FAM149A: variants seen among roughly 807,000 people sequenced by gnomAD.
The protein encoded by FAM149A is protein FAM149A.
Under a neutral mutation model 78.2 loss-of-function variants are expected in FAM149A, and 71 were observed. The observed-to-expected ratio is 0.91, with a 90% CI of 0.75 to 1.11. The LOEUF is 1.11. Among genes scored for constraint, FAM149A ranks in the 50% least tolerant of loss-of-function variants. The pLI, the probability that FAM149A is intolerant of heterozygous loss-of-function variation, is 0.00. For missense variants in FAM149A, 1,036 were observed against 971.0 expected, an observed-to-expected ratio of 1.07 and a Z score of -0.89; for synonymous variants, 446 against 410.5, an observed-to-expected ratio of 1.09 and a Z score of -1.04.
At chr4:186,142,734 G>A (rs991076161) in intron 1 of FAM149A, among the ~76,000 whole-genome samples, 1 of 152,152 alleles carries the variant, frequency 6.6e-6, no homozygotes, top group African/African-American at 2.4e-5. Flanking sequence ...CCGACTGCAT[G>A]GTGTAGACAC....
At chr4:186,160,764 ACCACAT>A (rs1734538935) in intron 8 of FAM149A, 1 of 953,760 alleles carries the variant, frequency 1.0e-6, no homozygotes, top group African/African-American at 2.1e-5. Context: ...CCACACACAC[ACCACAT>A]CACACCACAC....
At chr4:186,152,110 C>G (rs917855532) in intron 4 of FAM149A, 65 bp downstream of exon 4, 4 of 1,503,150 alleles carry the variant, frequency 2.7e-6, no homozygotes, top group Non-Finnish European at 3.7e-6. Context: ...TGACCTGCCT[C>G]GATACATTCA....
At position 186,118,161 on chromosome 4, in the gene FAM149A, CACAGTGATCACAA is replaced by C. The variant is rs1391316038; in HGVS notation, c.566+12522_566+12534del. On this transcript the variant is annotated intron_variant, in intron 1 of 13. Coordinates refer to ENST00000389354, the MANE Select transcript of FAM149A (RefSeq NM_001367768.3). Reference sequence around the variant, plus strand: ...GCACGTACAGGAGTTGGTGAACACACACAGTGATCACAAACTATACAACAGATGACATCACACA... The same window carrying C: ...GCACGTACAGGAGTTGGTGAACACACACTATACAACAGATGACATCACACA... 4.1e-6 allele frequency: 4 copies of C among 985,362 alleles called. No individual in the cohort carries two copies. The African/African-American group carries it at 7.0e-5, about 17-fold the overall frequency. The allele number at this position is 985,362 out of a possible 1,614,324, so 61.0% of individuals were successfully genotyped here.
chr4:186,110,506 C>T (rs2099310779), intron 1 of FAM149A, among the ~76,000 whole-genome samples: 3 of 144,446 alleles, frequency 2.1e-5, no homozygotes, highest in Admixed American at 7.0e-5. Flanking sequence ...AACTCGTCAT[C>T]TAGCATTAGG....
chr4:186,110,430 C>T (rs2099310753), intron 1 of FAM149A: 1 of 613,690 alleles, frequency 1.6e-6, no homozygotes, highest in African/African-American at 2.1e-5. Flanking sequence ...TTTTAGGGTA[C>T]ATGTGCACAT....
At chr4:186,124,243 T>G in intron 1 of FAM149A, 1 of 981,366 alleles carries the variant, frequency 1.0e-6, no homozygotes, top group Non-Finnish European at 1.2e-6. Flanking sequence ...GCCATTTTTG[T>G]TTTTTGGGTT....
At chr4:186,159,978 CCACA>C (rs752584665) in intron 8 of FAM149A, among the ~76,000 whole-genome samples, 17 of 148,370 alleles carry the variant, frequency 1.1e-4, no homozygotes, top group African/African-American at 3.5e-4. Context: ...ACCAAACACA[CCACA>C]CACACACACT....
At chr4:186,149,033 C>T (rs1187867150) in intron 1 of FAM149A, 140 bp from the exon 2 acceptor site, 20 of 325,352 alleles carry the variant, frequency 6.1e-5, no homozygotes, top group African/African-American at 2.0e-4. Context: ...TGTGTGTGTG[C>T]GCTCATGCAC....
At position 186,116,558 on chromosome 4, in the gene FAM149A, G is replaced by A. The variant is rs189531984; in HGVS notation, c.566+10916G>A. On this transcript the variant is annotated intron_variant, in intron 1 of 13. Transcript: ENST00000389354. ...TGTTCTGTCTTATGCGTAGGCTTTT[G>A]CTTTAAATTATCCTCTTTCTTTGTT... 14 of 984,444 alleles carry A rather than the reference G, an allele frequency of 1.4e-5. No homozygotes were observed. The East Asian group carries it at 1.3e-3, about 89-fold the overall frequency. 61.0% of individuals were successfully genotyped at this position (984,444 alleles called of 1,614,324 possible). A position where few individuals can be genotyped will look rare whatever the true frequency, so the allele number is the denominator to read the frequency against.
At position 186,144,744 on chromosome 4, in the gene FAM149A, G is replaced by GGCCGGC. The variant is rs1388092305; in HGVS notation, c.567-4426_567-4425insGGCGCC. On this transcript the variant is annotated intron_variant, in intron 1 of 13. Transcript: ENST00000389354. This position sits in a 1 kb window ranked among gnomAD's most constrained non-coding sequence, Gnocchi z 4.2. ...GGCGCGGGGCCGGGGCCGGGGCCGGGGCCCGGAGCGGGGATGGGCGGGCGC... is the reference window on the plus strand; with the variant it reads ...GGCGCGGGGCCGGGGCCGGGGCCGGGGCCGGCGCCCGGAGCGGGGATGGGCGGGCGC... The GGCCGGC allele has an allele frequency of 9.0e-6, 8 of 889,752 alleles. No homozygotes were observed. The highest frequency in any genetic ancestry group is 1.2e-4 in the Admixed American group (2 of 16,058). 55.1% of individuals were successfully genotyped at this position (889,752 alleles called of 1,614,324 possible).
intron 1 of FAM149A, chr4:186,123,260 T>G (rs552911293): frequency 2.0e-6 from 2 of 985,346 alleles, no homozygotes; most frequent in Admixed American, 1.2e-4. Context: ...GTATAGTTTA[T>G]TTTTGGCAAA....
chr4:186,133,401 G>A (rs1463723332), intron 1 of FAM149A: 1 of 156,466 alleles, frequency 6.4e-6, no homozygotes, highest in African/African-American at 2.4e-5. Flanking sequence ...TCTGCTTTCT[G>A]TCTGTATGAA....
intron 10 of FAM149A, 100 bp downstream of exon 10, chr4:186,163,733 A>G: frequency 1.2e-6 from 1 of 824,232 alleles, no homozygotes. Flanking sequence ...ATCCCTACCT[A>G]GTTTTACATA....
chr4:186,137,109 G>A (rs2099323707), intron 1 of FAM149A, among the ~76,000 whole-genome samples: 1 of 151,644 alleles, frequency 6.6e-6, no homozygotes, highest in African/African-American at 2.4e-5. Context: ...GTTTAAAATA[G>A]ACCAATAATG....
At chr4:186,107,311 G>A (rs76895310) in intron 1 of FAM149A, among the ~76,000 whole-genome samples, 1 of 152,160 alleles carries the variant, frequency 6.6e-6, no homozygotes, top group Non-Finnish European at 1.5e-5. Context: ...CAAATATTTG[G>A]AATAGATACT....
rs187780256 is a variant in FAM149A, at chr4:186,144,425, C to G, written c.567-4748C>G. 5.4e-3 allele frequency: 821 copies of G among 152,530 alleles called. 7 individuals carry two copies. The highest frequency in any genetic ancestry group is 0.027 in the Middle Eastern group (8 of 298). 9.4% of individuals were successfully genotyped at this position (152,530 alleles called of 1,614,324 possible). A position where few individuals can be genotyped will look rare whatever the true frequency, so the allele number is the denominator to read the frequency against. ...GATGGAGTAATGGTTCTCGCATTGA[C>G]CAGATCCGGGGCTTCATTTTTTAAA... On this transcript the variant is annotated intron_variant, in intron 1 of 13. Transcript: ENST00000389354. The surrounding 1 kb of genome is among the most constrained non-coding windows in gnomAD (Gnocchi z 4.2).
At chr4:186,160,543 A>T (rs574427105) in intron 8 of FAM149A, among the ~76,000 whole-genome samples, 10 of 148,546 alleles carry the variant, frequency 6.7e-5, no homozygotes, top group Non-Finnish European at 1.3e-4. Flanking sequence ...CACCACACGC[A>T]CACCCCACAC....
At chr4:186,142,353 A>G (rs368546674) in intron 1 of FAM149A, among the ~76,000 whole-genome samples, 61 of 152,274 alleles carry the variant, frequency 4.0e-4, no homozygotes, top group African/African-American at 1.4e-3. Flanking sequence ...CAGAAGCCTC[A>G]TCTGTACGCG....
chr4:186,158,857 C>T, intron 8 of FAM149A: 1 of 942,692 alleles, frequency 1.1e-6, no homozygotes, highest in Middle Eastern at 5.5e-4. Flanking sequence ...AGCTGTTCTT[C>T]CACAGGCCAC....
Sources: allele counts gnomAD v4.1 joint callset (sites outside exome capture counted in the v4.1 genomes callset), GRCh38; gene constraint gnomAD v4.1.1; non-coding constraint Gnocchi (gnomAD v3.1); transcripts MANE v1.5; gene names NCBI Gene and HGNC (gene_info 2026-07-23, HGNC 2026-07-21).